Variants in EFHB observed in about 807,000 individuals in gnomAD.
EFHB encodes the protein EF-hand domain family member B.
Under a neutral mutation model 87.2 loss-of-function variants are expected in EFHB, and 91 were observed. The ratio of observed to expected loss-of-function variants is 1.04; its 90% CI spans 0.88 to 1.24. The LOEUF (loss-of-function observed/expected upper bound fraction) is 1.24. EFHB is among the 50% of genes most tolerant of loss of function. The pLI is 0.00. For missense variants in EFHB, 1,084 were observed against 998.8 expected (o/e 1.09, Z -1.15); for synonymous variants, 325 against 333.6 (o/e 0.97, Z 0.28).
intron 1 of EFHB, among the ~76,000 whole-genome samples, chr3:19,927,407 T>C (rs2929358): frequency 0.15 from 23,206 of 152,172 alleles, 1,943 homozygotes; most frequent in South Asian, 0.23. Context: ...TAGGCCAGTA[T>C]TTCTTGGAAA....
At chr3:19,922,562 C>T (rs1320047847) in intron 1 of EFHB, among the ~76,000 whole-genome samples, 5 of 152,202 alleles carry the variant, frequency 3.3e-5, no homozygotes, top group African/African-American at 1.2e-4. Flanking sequence ...CTAGCTTCCT[C>T]TCCCACTGGG....
intron 1 of EFHB, among the ~76,000 whole-genome samples, chr3:19,928,765 T>C (rs1224315373): frequency 6.6e-6 from 1 of 152,136 alleles, no homozygotes; most frequent in Non-Finnish European, 1.5e-5. Flanking sequence ...GTTTTTAATA[T>C]TGTATTTTTT....
chr3:19,934,166 C>G lies in EFHB; in HGVS notation c.-148G>C. 6.9e-7 allele frequency: 1 copy of G among 1,443,324 alleles called. No individual in the cohort carries two copies. The allele number at this position is 1,443,324 out of a possible 1,614,324, so 89.4% of individuals were successfully genotyped here. On this transcript the variant is annotated 5_prime_UTR_variant, in exon 1 of 13. Transcript: ENST00000295824. Reference sequence around the variant, plus strand: ...CACTCGGACTCCCTGTCCATTGCTTCCTGCCTGCCTCTTAACACCTAGCCG... The same window carrying G: ...CACTCGGACTCCCTGTCCATTGCTTGCTGCCTGCCTCTTAACACCTAGCCG...
At chr3:19,891,047 G>T (rs556547287) in intron 9 of EFHB, among the ~76,000 whole-genome samples, 2 of 149,776 alleles carry the variant, frequency 1.3e-5, no homozygotes, top group Admixed American at 1.3e-4. Context: ...GTGTAAAAGA[G>T]TAGCAATATT....
chr3:19,904,404 A>G (rs954471669), intron 6 of EFHB, among the ~76,000 whole-genome samples: 19 of 152,054 alleles, frequency 1.2e-4, no homozygotes, highest in Admixed American at 1.3e-4. Context: ...GTGTCTTGCT[A>G]TGTTGCCCAG....
rs553274769 is a variant in EFHB at position 19,928,815 on chromosome 3, T to C, written c.789+4415A>G. ...AATGCAGTGAGGTAGGAAATAGAGATAGATGAAAGGTATAGATACTAAAGA... is the reference window on the plus strand; with the variant it reads ...AATGCAGTGAGGTAGGAAATAGAGACAGATGAAAGGTATAGATACTAAAGA... On this transcript the variant is annotated intron_variant, in intron 1 of 12. Transcript: ENST00000295824. 3.3e-5 allele frequency among the ~76,000 whole-genome samples: 5 copies of C among 152,122 alleles called. No homozygotes were observed. In the South Asian group the frequency reaches 1.0e-3, roughly 32 times the overall value.
At chr3:19,898,642 A>T in intron 8 of EFHB, 136 bp downstream of exon 8, 1 of 870,516 alleles carries the variant, frequency 1.1e-6, no homozygotes, top group Non-Finnish European at 1.8e-6. Flanking sequence ...TTTTCTCATT[A>T]ATGTTAATGC....
Position 19,926,301 on chromosome 3 carries a change from C to A in EFHB, c.790-5734G>T, listed in dbSNP as rs758277104. ...TAATTTTTCATCTATGTGGCCCCAG[C>A]GTTTATTTGTGTATGGGTTTTTTGG... On this transcript the variant is annotated intron_variant, in intron 1 of 12. Transcript: ENST00000295824. 4.0e-5 allele frequency among the ~76,000 whole-genome samples: 6 copies of A among 151,724 alleles called. No individual in the cohort carries two copies. The East Asian group carries it at 1.2e-3, about 29-fold the overall frequency.
At chr3:19,918,453 A>C (rs1218401258) in intron 3 of EFHB, 41 bp from the exon 4 acceptor site, 1 of 1,513,394 alleles carries the variant, frequency 6.6e-7, no homozygotes, top group Admixed American at 2.2e-5. Flanking sequence ...CAACAAAAAA[A>C]GTATAAATCT....
At chr3:19,939,993 T>C (rs1254390256) in intron 1 of EFHB, among the ~76,000 whole-genome samples, 2 of 152,220 alleles carry the variant, frequency 1.3e-5, no homozygotes, top group African/African-American at 2.4e-5. Context: ...TCAGCCATCT[T>C]CCGACATCTC....
At chr3:19,930,780 T>C (rs937243093) in intron 1 of EFHB, among the ~76,000 whole-genome samples, 9 of 152,094 alleles carry the variant, frequency 5.9e-5, no homozygotes, top group African/African-American at 2.2e-4. Context: ...TTTTTCTTTT[T>C]TGTATAGGCA....
intron 1 of EFHB, among the ~76,000 whole-genome samples, chr3:19,945,239 G>C (rs1696244678): frequency 6.6e-6 from 1 of 152,190 alleles, no homozygotes; most frequent in Non-Finnish European, 1.5e-5. Flanking sequence ...AAAGAGTATG[G>C]GGAGAGGAAT....
intron 1 of EFHB, chr3:19,941,341 T>G (rs1325022601): frequency 5.3e-6 from 1 of 187,930 alleles, no homozygotes; most frequent in East Asian, 1.6e-4. Flanking sequence ...AATACTAGCC[T>G]GGCTGCTCAA....
intron 9 of EFHB, among the ~76,000 whole-genome samples, chr3:19,894,176 T>C (rs1230115057): frequency 2.0e-5 from 3 of 152,224 alleles, no homozygotes; most frequent in African/African-American, 7.2e-5. Context: ...TTACATATGT[T>C]CAACAACTGA....
chr3:19,897,284 T>C (rs969883959), intron 8 of EFHB, among the ~76,000 whole-genome samples: 2 of 152,178 alleles, frequency 1.3e-5, no homozygotes, highest in Non-Finnish European at 1.5e-5. Context: ...ATCTACCCTC[T>C]CCTATGTGAG....
intron 1 of EFHB, among the ~76,000 whole-genome samples, chr3:19,932,692 T>C (rs1695869310): frequency 6.6e-6 from 1 of 152,266 alleles, no homozygotes; most frequent in Admixed American, 6.5e-5. Context: ...TGTGTGTTTT[T>C]ATAAATTTAG....
chr3:19,893,236 C>A (rs960630070), intron 9 of EFHB, among the ~76,000 whole-genome samples: 1 of 152,118 alleles, frequency 6.6e-6, no homozygotes, highest in Non-Finnish European at 1.5e-5. Flanking sequence ...CCACCATGCC[C>A]AGCCCATATT....
intron 10 of EFHB, among the ~76,000 whole-genome samples, chr3:19,887,310 G>A (rs375552101): frequency 4.7e-5 from 7 of 150,028 alleles, no homozygotes; most frequent in Admixed American, 1.3e-4. Flanking sequence ...ACTTGAACCC[G>A]GCAGGTAGAG....
upstream of EFHB, among the ~76,000 whole-genome samples, chr3:19,934,450 CCT>C (rs1559477228): frequency 3.0e-5 from 3 of 98,860 alleles, no homozygotes; most frequent in African/African-American, 1.2e-4. Flanking sequence ...CCTCTCTCTC[CCT>C]CTCTGTGTGT....
Sources: gnomAD v4.1 joint callset for allele counts (sites outside exome capture counted in the v4.1 genomes callset) on GRCh38, gnomAD v4.1.1 for gene constraint, MANE v1.5 for transcripts, NCBI Gene and HGNC (gene_info 2026-07-23, HGNC 2026-07-21) for gene names.